Variants in SNW1 observed in about 807,000 individuals in gnomAD.
The protein encoded by SNW1 is SNW domain-containing protein 1.
SNW1 carries 9 observed loss-of-function variants against 75.6 expected under a neutral mutation model. That is an observed-to-expected ratio of 0.12 (90% confidence interval 0.07 to 0.21). SNW1 has a LOEUF of 0.21. Ranked by LOEUF, SNW1 falls within the 10% of genes least tolerant of loss-of-function variation. The probability of loss-of-function intolerance (pLI) is 1.00; values close to 1 mark genes in which losing one functional copy is unlikely to be tolerated. For synonymous variants in SNW1, 200 were observed against 219.1 expected (o/e 0.91, Z 0.77); for missense variants, 409 against 670.9 (o/e 0.61, Z 4.31).
intron 3 of SNW1, among the ~76,000 whole-genome samples, chr14:77,749,682 G>A (rs2080792436): frequency 6.6e-6 from 1 of 152,196 alleles, no homozygotes; most frequent in African/African-American, 2.4e-5. Flanking sequence ...TACGATGATC[G>A]CCTGAGCCCA....
intron 2 of SNW1, 28 bp from the exon 3 acceptor site, chr14:77,751,508 T>C (rs750738732): frequency 9.8e-6 from 15 of 1,533,660 alleles, no homozygotes; most frequent in Admixed American, 4.0e-5. Flanking sequence ...TTAAATAAAA[T>C]AGTTAATCAT....
Position 77,752,841 on chromosome 14 carries a change from T to C in SNW1, c.169-1361A>G, listed in dbSNP as rs79705776. 8.1e-3 allele frequency among the ~76,000 whole-genome samples: 1,237 copies of C among 152,318 alleles called. 23 individuals carry two copies. Among genetic ancestry groups the C allele is most frequent in the African/African-American group, 0.029 (1,187 of 41,568 alleles). On this transcript the variant is annotated intron_variant, in intron 2 of 13. Transcript: ENST00000261531. ...TATGAGTTCCTAAGTACAATATGCT[T>C]ATTTGCTAAAGAGATGTTTGAAGTT...
At chr14:77,760,332 C>T (rs2080877269) in intron 1 of SNW1, among the ~76,000 whole-genome samples, 1 of 152,178 alleles carries the variant, frequency 6.6e-6, no homozygotes, top group Admixed American at 6.5e-5. Flanking sequence ...TTATCTATAA[C>T]CTTCCTGAAC....
intron 2 of SNW1, among the ~76,000 whole-genome samples, chr14:77,751,998 A>G (rs942548585): frequency 1.3e-5 from 2 of 152,204 alleles, no homozygotes; most frequent in African/African-American, 2.4e-5. Flanking sequence ...CACAAGTTAC[A>G]TGAGTAAAAA....
intron 2 of SNW1, among the ~76,000 whole-genome samples, chr14:77,752,626 C>T (rs552824743): frequency 1.1e-4 from 16 of 151,938 alleles, no homozygotes; most frequent in South Asian, 2.1e-4. Flanking sequence ...TTTGAGACTC[C>T]GAAAAGCTTT....
chr14:77,744,235 T>A lies in SNW1; in HGVS notation c.331-5174A>T, dbSNP rs570528107. Among the ~76,000 whole-genome samples the A allele has an allele frequency of 1.1e-4, 17 of 151,486 alleles. No individual in the cohort carries two copies. The South Asian group carries it at 3.1e-3, about 28-fold the overall frequency. The stretch of plus-strand genomic sequence containing the variant: ...TGGGAAGCTGAGGAGGATGGATCAT[T>A]TGAGGTCAGGAGTTTAAGACCAGCC... On this transcript the variant is annotated intron_variant, in intron 3 of 13. Coordinates refer to ENST00000261531, the MANE Select transcript of SNW1 (RefSeq NM_012245.3).
rs1417984357 is a variant in SNW1 at position 77,735,889 on chromosome 14, T to A, written c.708+48A>T. On this transcript the variant is annotated intron_variant, in intron 7 of 13. Coordinates refer to ENST00000261531, the MANE Select transcript of SNW1 (RefSeq NM_012245.3). ...GGCATAGGGAGGTTATCTATAAAAT[T>A]AATAACCATGAGTAGAAAAAAATAT... is the stretch of plus-strand genomic sequence containing the variant. 2.8e-6 allele frequency: 4 copies of A among 1,443,144 alleles called. No homozygotes were observed. In the East Asian group the frequency reaches 6.8e-5, roughly 25 times the overall value. The allele number at this position is 1,443,144 out of a possible 1,614,324, so 89.4% of individuals were successfully genotyped here.
At chr14:77,729,163 A>T (rs907417509) in intron 10 of SNW1, among the ~76,000 whole-genome samples, 1 of 152,070 alleles carries the variant, frequency 6.6e-6, no homozygotes, top group South Asian at 2.1e-4. Flanking sequence ...TCCATCTTAA[A>T]CTTAACATAT....
chr14:77,730,539 T>C (rs2080620048), intron 10 of SNW1, among the ~76,000 whole-genome samples: 1 of 152,218 alleles, frequency 6.6e-6, no homozygotes, highest in African/African-American at 2.4e-5. Context: ...TACACCAATG[T>C]AGACCACTAA....
chr14:77,750,926 G>A (rs983004947), intron 3 of SNW1, among the ~76,000 whole-genome samples: 3 of 152,160 alleles, frequency 2.0e-5, no homozygotes, highest in African/African-American at 7.2e-5. Flanking sequence ...TGGAGGAAAT[G>A]AGTCAAGACT....
Position 77,738,766 on chromosome 14 carries a change from C to T in SNW1, c.533+12G>A, listed in dbSNP as rs1437980218. On this transcript the variant is annotated intron_variant, in intron 5 of 13. Coordinates refer to ENST00000261531, the MANE Select transcript of SNW1 (RefSeq NM_012245.3). Reference sequence around the variant, plus strand: ...TCAGAATGAAACTAAGTCTTCTAGGCATGATTCATACCGGATATACTGAGC... The same window carrying T: ...TCAGAATGAAACTAAGTCTTCTAGGTATGATTCATACCGGATATACTGAGC... 1 of 1,601,968 alleles carries T rather than the reference C, an allele frequency of 6.2e-7. No individual in the cohort carries two copies. Among genetic ancestry groups the T allele is most frequent in the Non-Finnish European group, 8.6e-7 (1 of 1,169,118 alleles).
chr14:77,732,085 C>T (rs1386397778), intron 9 of SNW1, among the ~76,000 whole-genome samples: 2 of 152,200 alleles, frequency 1.3e-5, no homozygotes, highest in Non-Finnish European at 2.9e-5. Context: ...ATGGCCAATG[C>T]TATGAACGCC....
At position 77,718,449 on chromosome 14, in the gene SNW1, C is replaced by T. The variant is rs755419773; in HGVS notation, c.1330G>A (p.Ala444Thr). 8.1e-6 allele frequency: 13 copies of T among 1,614,008 alleles called. No homozygotes were observed. The highest frequency in any genetic ancestry group is 1.1e-5 in the Non-Finnish European group (13 of 1,179,932). Residue 444 changes from alanine to threonine, a missense_variant, in exon 13 of 14, where the codon GCC becomes ACC. This residue lies in a region of SNW1 where 126 missense variants were observed against 167.6 expected (regional missense o/e 0.75). Coordinates refer to ENST00000261531, the MANE Select transcript of SNW1 (RefSeq NM_012245.3). The stretch of plus-strand genomic sequence containing the variant: ...TTACTGGGCCTATAAATACTCTGGG[C>T]CATATCTTTACCACCTCTCCAGGCT... ...DQAWRGGKDM[A>T]QSIYRPSKNL...
intron 1 of SNW1, among the ~76,000 whole-genome samples, chr14:77,759,812 GT>G (rs549946063): frequency 6.8e-6 from 1 of 146,570 alleles, no homozygotes; most frequent in Non-Finnish European, 1.5e-5. Context: ...CCTATTTCTA[GT>G]TTTTTTTTAA....
At chr14:77,752,709 G>C (rs963767399) in intron 2 of SNW1, among the ~76,000 whole-genome samples, 1 of 151,868 alleles carries the variant, frequency 6.6e-6, no homozygotes, top group Non-Finnish European at 1.5e-5. Context: ...AGAAATAATA[G>C]AAAACACAAA....
At chr14:77,759,209 G>A (rs548697227) in intron 1 of SNW1, among the ~76,000 whole-genome samples, 5 of 152,288 alleles carry the variant, frequency 3.3e-5, no homozygotes, top group Non-Finnish European at 5.9e-5. Context: ...TTTTAAGCAC[G>A]CAATACCCAT....
At chr14:77,723,913 A>C (rs2139895136) in intron 10 of SNW1, among the ~76,000 whole-genome samples, 1 of 152,330 alleles carries the variant, frequency 6.6e-6, no homozygotes, top group East Asian at 1.9e-4. Context: ...TATTCTGAAC[A>C]AGAGAATATT....
chr14:77,743,150 G>A (rs758125147), intron 3 of SNW1, among the ~76,000 whole-genome samples: 6 of 151,800 alleles, frequency 4.0e-5, no homozygotes, highest in African/African-American at 1.2e-4. Flanking sequence ...ACTTGAACCC[G>A]GGAGGCAGAG....
At chr14:77,721,986 G>A (rs1408172544) in intron 11 of SNW1, among the ~76,000 whole-genome samples, 1 of 152,176 alleles carries the variant, frequency 6.6e-6, no homozygotes, top group Non-Finnish European at 1.5e-5. Flanking sequence ...GACCTCAAGT[G>A]ATTCGCGTGC....
Sources: allele counts gnomAD v4.1 joint callset (sites outside exome capture counted in the v4.1 genomes callset), GRCh38; gene constraint gnomAD v4.1.1; regional missense constraint gnomAD v4.1.1; transcripts MANE v1.5; gene names NCBI Gene and HGNC (gene_info 2026-07-23, HGNC 2026-07-21).